The following PTK2B variants were observed in gnomAD, a reference collection of about 807,000 sequenced individuals.
The protein encoded by PTK2B is protein tyrosine kinase 2 beta.
A neutral mutation model predicts 142.9 loss-of-function variants in PTK2B; 71 were observed. The ratio of observed to expected loss-of-function variants is 0.50; its 90% CI spans 0.41 to 0.61. The LOEUF (loss-of-function observed/expected upper bound fraction) is 0.61. PTK2B is among the 20% of genes least tolerant of loss of function. The pLI is 0.00. For missense variants in PTK2B, 1,105 were observed against 1,320.4 expected (o/e 0.84, Z 2.53); for synonymous variants, 519 against 503.4 (o/e 1.03, Z -0.42).
At chr8:27,364,531 G>T (rs1473054569) in intron 1 of PTK2B, among the ~76,000 whole-genome samples, 1 of 152,252 alleles carries the variant, frequency 6.6e-6, no homozygotes, top group Admixed American at 6.5e-5. Flanking sequence ...AGGAGTCTTA[G>T]ATAGGCAGAG....
intron 21 of PTK2B, among the ~76,000 whole-genome samples, chr8:27,442,673 C>G (rs894413156): frequency 2.6e-5 from 4 of 152,190 alleles, no homozygotes; most frequent in African/African-American, 9.7e-5. Context: ...ATCCTCCCAA[C>G]CTCAGTGTGG....
At chr8:27,333,117 C>T (rs1803858189) in intron 1 of PTK2B, among the ~76,000 whole-genome samples, 1 of 152,138 alleles carries the variant, frequency 6.6e-6, no homozygotes, top group African/African-American at 2.4e-5. Flanking sequence ...AAAGGATAGA[C>T]AGGATACACT....
intron 22 of PTK2B, 145 bp downstream of exon 22, chr8:27,443,128 C>T (rs1229341073): frequency 1.3e-5 from 8 of 611,470 alleles, no homozygotes; most frequent in East Asian, 1.1e-4. Context: ...TCACTGTCAG[C>T]GTGTCACATC....
chr8:27,321,183 A>T (rs976279782), upstream of PTK2B, among the ~76,000 whole-genome samples: 3 of 151,402 alleles, frequency 2.0e-5, no homozygotes, highest in Non-Finnish European at 4.4e-5. Context: ...TTTTGTACAG[A>T]TGAAGTCTTG....
intron 24 of PTK2B, among the ~76,000 whole-genome samples, chr8:27,450,136 G>A (rs939965575): frequency 6.6e-6 from 1 of 152,112 alleles, no homozygotes; most frequent in African/African-American, 2.4e-5. Context: ...TGTCTTAATA[G>A]GAAGGCATGG....
At chr8:27,430,315 G>A (rs1268173532) in intron 6 of PTK2B, 49 bp from the exon 7 acceptor site, 2 of 1,611,638 alleles carry the variant, frequency 1.2e-6, no homozygotes, top group African/African-American at 2.7e-5. Flanking sequence ...GCAGTCCTGT[G>A]GTGGGGGTGA....
At chr8:27,352,195 C>G (rs1221767149) in intron 1 of PTK2B, among the ~76,000 whole-genome samples, 1 of 152,230 alleles carries the variant, frequency 6.6e-6, no homozygotes, top group Non-Finnish European at 1.5e-5. Flanking sequence ...CTCACCAATT[C>G]ATAAGGCTGG....
At chr8:27,406,096 CT>C (rs754274580) in intron 2 of PTK2B, among the ~76,000 whole-genome samples, 1 of 152,214 alleles carries the variant, frequency 6.6e-6, no homozygotes, top group Non-Finnish European at 1.5e-5. Context: ...CCTGTCCCAG[CT>C]TCTGGTAGCT....
At chr8:27,321,671 TCTA>T (rs899918453), upstream of PTK2B, among the ~76,000 whole-genome samples, 2 of 152,210 alleles carry the variant, frequency 1.3e-5, no homozygotes, top group African/African-American at 4.8e-5. Flanking sequence ...GTGCATAACT[TCTA>T]CTCTTCAACC....
chr8:27,380,950 G>A (rs571275274), intron 1 of PTK2B, among the ~76,000 whole-genome samples: 1 of 152,332 alleles, frequency 6.6e-6, no homozygotes, highest in African/African-American at 2.4e-5. Context: ...CGTAGAATGA[G>A]TAAGTCCCAG....
intron 1 of PTK2B, chr8:27,396,339 A>G (rs756176617): frequency 2.0e-5 from 3 of 152,122 alleles, no homozygotes; most frequent in African/African-American, 7.2e-5. Context: ...AACATTGTCA[A>G]CTCCATCATT....
At chr8:27,445,703 C>G in intron 23 of PTK2B, 91 bp from the exon 24 acceptor site, 1 of 1,560,246 alleles carries the variant, frequency 6.4e-7, no homozygotes, top group South Asian at 1.1e-5. Flanking sequence ...GGTGCTCATG[C>G]ATAGTTTCTT....
In PTK2B at chr8:27,447,999, A is replaced by ACCT. The variant is rs1563299843; in HGVS notation, c.2340+2080_2340+2081insCCT. 2.0e-5 allele frequency among the ~76,000 whole-genome samples: 3 copies of ACCT among 152,414 alleles called. No homozygotes were observed. The East Asian group carries it at 5.8e-4, about 29-fold the overall frequency. On this transcript the variant is annotated intron_variant, in intron 24 of 30. Transcript: ENST00000346049. ...TACAGTCGACCAGAAGGATCAGACC[A>ACCT]GGTGCACACTTACCTGTAATGCAAG...
intron 2 of PTK2B, among the ~76,000 whole-genome samples, chr8:27,409,285 A>T (rs370179070): frequency 3.3e-5 from 5 of 152,000 alleles, no homozygotes; most frequent in African/African-American, 1.2e-4. Flanking sequence ...AATCCAGGGG[A>T]AGAAACAAAA....
intron 2 of PTK2B, among the ~76,000 whole-genome samples, chr8:27,415,646 G>A (rs74506675): frequency 0.026 from 3,941 of 152,246 alleles, 176 homozygotes; most frequent in African/African-American, 0.089. Context: ...ATGGGCTCCA[G>A]GGGCAAAAAT....
chr8:27,422,720 T>C (rs969810637), intron 5 of PTK2B, among the ~76,000 whole-genome samples: 5 of 152,210 alleles, frequency 3.3e-5, no homozygotes, highest in African/African-American at 1.2e-4. Flanking sequence ...GACTAGAATC[T>C]GGGGGACATT....
chr8:27,434,585 C>T (rs745927329), intron 13 of PTK2B, 26 bp downstream of exon 13: 24 of 1,594,112 alleles, frequency 1.5e-5, no homozygotes, highest in Non-Finnish European at 2.1e-5. Context: ...CATCCTCCAC[C>T]TGCTCCAGTT....
chr8:27,404,849 C>G (rs1367089), intron 2 of PTK2B, among the ~76,000 whole-genome samples: 62,459 of 151,922 alleles, frequency 0.41, 13,123 homozygotes, highest in South Asian at 0.52. Context: ...CCCTCACCCC[C>G]AATTCCATAT....
intron 1 of PTK2B, among the ~76,000 whole-genome samples, chr8:27,347,660 A>G (rs1274140145): frequency 6.6e-6 from 1 of 152,090 alleles, no homozygotes; most frequent in Non-Finnish European, 1.5e-5. Flanking sequence ...GGCCCACCCT[A>G]ATGGTCCCAT....
Sources: allele counts gnomAD v4.1 joint callset (sites outside exome capture counted in the v4.1 genomes callset), GRCh38; gene constraint gnomAD v4.1.1; transcripts MANE v1.5; gene names NCBI Gene and HGNC (gene_info 2026-07-23, HGNC 2026-07-21).